The following ZNF76 variants were observed in gnomAD, a reference collection of about 807,000 sequenced individuals.
ZNF76 encodes zinc finger protein 523.
In ZNF76, 66 loss-of-function variants were observed where a neutral mutation model predicts 66.9. The observed-to-expected ratio is 0.99, with a 90% CI of 0.81 to 1.21. ZNF76 has a LOEUF of 1.21. Among genes scored for constraint, ZNF76 ranks in the 50% most tolerant of loss-of-function variants. The pLI is 0.00. For synonymous variants in ZNF76, 275 were observed against 296.1 expected (o/e 0.93, Z 0.73); for missense variants, 729 against 760.3 (o/e 0.96, Z 0.48).
At chr6:35,294,311 C>G in intron 12 of ZNF76, 145 bp from the exon 13 acceptor site, 1 of 636,714 alleles carries the variant, frequency 1.6e-6, no homozygotes, top group Non-Finnish European at 2.8e-6. Context: ...AGCTCTGAGC[C>G]TCAGGCTAAT....
rs890295589 is a variant in ZNF76 at position 35,292,079 on chromosome 6, C to A, written c.931+342C>A. 2 of 447,882 alleles carry A rather than the reference C, an allele frequency of 4.5e-6. No individual in the cohort carries two copies. The highest frequency in any genetic ancestry group is 4.0e-5 in the African/African-American group (2 of 50,552). 27.7% of individuals were successfully genotyped at this position (447,882 alleles called of 1,614,324 possible). A position where few individuals can be genotyped will look rare whatever the true frequency, so the allele number is the denominator to read the frequency against. On this transcript the variant is annotated intron_variant, in intron 9 of 13. Transcript: ENST00000373953. The surrounding 1 kb of genome is among the most constrained non-coding windows in gnomAD (Gnocchi z 4.7). ...GGGGAAGAAGCAGAGTGAACTGTCA[C>A]CTTCAACTCCTCACCTTATCCGCCG...
chr6:35,276,490 T>G (rs1787909862), intron 1 of ZNF76, among the ~76,000 whole-genome samples: 1 of 152,206 alleles, frequency 6.6e-6, no homozygotes. Flanking sequence ...ATGAAGCAAG[T>G]GCCACTATTA....
intron 7 of ZNF76, chr6:35,291,070 T>C: frequency 1.6e-6 from 1 of 634,018 alleles, no homozygotes; most frequent in Non-Finnish European, 2.7e-6. Flanking sequence ...CTTTTCATGC[T>C]CATGTTCTGG....
At chr6:35,275,672 C>T (rs909899221) in intron 1 of ZNF76, among the ~76,000 whole-genome samples, 4 of 152,166 alleles carry the variant, frequency 2.6e-5, no homozygotes, top group African/African-American at 9.7e-5. Flanking sequence ...CAACAGTAGC[C>T]TCTTTTAAAG....
chr6:35,264,586 A>G (rs1431877603), intron 1 of ZNF76, among the ~76,000 whole-genome samples: 2 of 152,188 alleles, frequency 1.3e-5, no homozygotes, highest in Non-Finnish European at 2.9e-5. Context: ...ATCCATTATA[A>G]AAAGATTAAA....
chr6:35,295,379 C>A lies in ZNF76; in HGVS notation c.*131C>A. ...ATAGGTCTCTGGGGTGAGAAGACAG[C>A]AAGAAAACTGCCTAACTGAAGGGAA... is the stretch of plus-strand genomic sequence containing the variant. On this transcript the variant is annotated 3_prime_UTR_variant, in exon 14 of 14. Transcript: ENST00000373953. 1 of 790,556 alleles carries A rather than the reference C, an allele frequency of 1.3e-6. No individual in the cohort carries two copies. Among genetic ancestry groups the A allele is most frequent in the Non-Finnish European group, 2.1e-6 (1 of 467,866 alleles). 49.0% of individuals were successfully genotyped at this position (790,556 alleles called of 1,614,324 possible).
chr6:35,293,738 C>G lies in ZNF76; in HGVS notation c.1330-13C>G. 6.2e-7 allele frequency: 1 copy of G among 1,612,804 alleles called. No individual in the cohort carries two copies. The highest frequency in any genetic ancestry group is 8.5e-7 in the Non-Finnish European group (1 of 1,179,138). On this transcript the variant is annotated splice_polypyrimidine_tract_variant and intron_variant, in intron 11 of 13. Transcript: ENST00000373953. Reference sequence around the variant, plus strand: ...ACTGACACTGCCAGCTCATCTTCCCCTCCTGTTGGCAGGTCAGCCTGTCCC... The same window carrying G: ...ACTGACACTGCCAGCTCATCTTCCCGTCCTGTTGGCAGGTCAGCCTGTCCC...
chr6:35,264,392 CA>C (rs1341070922), intron 1 of ZNF76, among the ~76,000 whole-genome samples: 2 of 152,150 alleles, frequency 1.3e-5, no homozygotes, highest in Admixed American at 6.5e-5. Context: ...GTAACAGCAT[CA>C]GGGGCTGTCT....
chr6:35,272,507 G>A (rs997141188), intron 1 of ZNF76, among the ~76,000 whole-genome samples: 1 of 97,950 alleles, frequency 1.0e-5, no homozygotes, highest in Admixed American at 1.1e-4. Context: ...GTGTGTGTGT[G>A]TGTGTATGTA....
Position 35,295,580 on chromosome 6 carries a change from G to A in ZNF76, c.*332G>A. 2.7e-6 allele frequency: 1 copy of A among 367,606 alleles called. No individual in the cohort carries two copies. The highest frequency in any genetic ancestry group is 2.1e-5 in the African/African-American group (1 of 47,462). 22.8% of individuals were successfully genotyped at this position (367,606 alleles called of 1,614,324 possible). On this transcript the variant is annotated 3_prime_UTR_variant, in exon 14 of 14. Transcript: ENST00000373953. The stretch of plus-strand genomic sequence containing the variant: ...CTCAGTCTGTTCCCCTTCTCAGGTA[G>A]AGATTGGGGCTGCTATGGGGACTGG...
At chr6:35,263,423 C>T (rs1785536829) in intron 1 of ZNF76, among the ~76,000 whole-genome samples, 1 of 152,176 alleles carries the variant, frequency 6.6e-6, no homozygotes, top group East Asian at 1.9e-4. Flanking sequence ...CTTGATAATC[C>T]CCAACCACTG....
At position 35,267,896 on chromosome 6, in the gene ZNF76, G is replaced by A. The variant is rs140854529; in HGVS notation, c.-97+8055G>A. 2.8e-4 allele frequency among the ~76,000 whole-genome samples: 43 copies of A among 152,282 alleles called. No individual in the cohort carries two copies. The East Asian group carries it at 7.5e-3, about 27-fold the overall frequency. ...GGTTGGGAAGGGTTGGAGTGGTGGG[G>A]GCTTCAGTTCCTTCCCTCCTCCATT... On this transcript the variant is annotated intron_variant, in intron 1 of 13. Transcript: ENST00000373953.
chr6:35,286,550 G>A, intron 4 of ZNF76, 151 bp downstream of exon 4: 1 of 741,866 alleles, frequency 1.3e-6, no homozygotes, highest in South Asian at 1.6e-5. Flanking sequence ...TGGATTAGCA[G>A]CCTTGCCCAC....
chr6:35,286,558 C>T (rs1312753601), intron 4 of ZNF76, 159 bp downstream of exon 4: 3 of 707,376 alleles, frequency 4.2e-6, no homozygotes, highest in African/African-American at 3.5e-5. Flanking sequence ...CAGCCTTGCC[C>T]ACCTTCCCTG....
Position 35,286,343 on chromosome 6 carries a change from G to A in ZNF76, c.176G>A (p.Gly59Asp). The change falls in exon 4 of 14, where the codon GGT (glycine) becomes GAT (aspartate). Residue 59 changes from glycine (G) to aspartate (D), a missense_variant. Gly to Asp is a moderately conservative substitution (Grantham distance 94). Coordinates refer to ENST00000373953, the MANE Select transcript of ZNF76 (RefSeq NM_003427.5). ...VQKEALSFEDGQPVQLEDGSM... is the reference protein window; with the variant it reads ...VQKEALSFEDDQPVQLEDGSM... Reference sequence around the variant, plus strand: ...ACAGAAGCTCTCTCCTTTGAGGATGGTCAGCCTGTGCAGCTGGAAGATGGC... The same window carrying A: ...ACAGAAGCTCTCTCCTTTGAGGATGATCAGCCTGTGCAGCTGGAAGATGGC... 6.2e-7 allele frequency: 1 copy of A among 1,614,216 alleles called. No individual in the cohort carries two copies. Among genetic ancestry groups the A allele is most frequent in the Non-Finnish European group, 8.5e-7 (1 of 1,180,040 alleles).
chr6:35,270,781 T>A (rs1786928618), intron 1 of ZNF76, among the ~76,000 whole-genome samples: 1 of 152,054 alleles, frequency 6.6e-6, no homozygotes, highest in Admixed American at 6.6e-5. Context: ...ATGGTCTAGA[T>A]CTCTTGACCT....
At chr6:35,282,255 C>T (rs943098159) in intron 2 of ZNF76, among the ~76,000 whole-genome samples, 1 of 151,100 alleles carries the variant, frequency 6.6e-6, no homozygotes, top group Non-Finnish European at 1.5e-5. Flanking sequence ...GGGAGGATCT[C>T]TTGAGGCCAT....
chr6:35,290,216 C>T (rs769584865), intron 5 of ZNF76, 50 bp from the exon 6 acceptor site: 9 of 1,605,396 alleles, frequency 5.6e-6, no homozygotes, highest in Admixed American at 1.7e-5. Context: ...TGTGTCCCAC[C>T]TTCTTCACTG....
rs138567435 is a variant in ZNF76, at chr6:35,262,427, CTCTT to C, written c.-97+2587_-97+2590del. Among the ~76,000 whole-genome samples the C allele has an allele frequency of 3.9e-3, 593 of 152,328 alleles. 13 individuals carry two copies. The East Asian group carries it at 0.041, about 10-fold the overall frequency. On this transcript the variant is annotated intron_variant, in intron 1 of 13. Transcript: ENST00000373953. Reference sequence around the variant, plus strand: ...AGTGTCTTGAACCCAGTCAACTTCTCTCTTCATCCTTTGCCCAAATATCTCTTGT... The same window carrying C: ...AGTGTCTTGAACCCAGTCAACTTCTCCATCCTTTGCCCAAATATCTCTTGT...
Sources: allele counts gnomAD v4.1 joint callset (sites outside exome capture counted in the v4.1 genomes callset), GRCh38; gene constraint gnomAD v4.1.1; non-coding constraint Gnocchi (gnomAD v3.1); transcripts MANE v1.5; gene names NCBI Gene and HGNC (gene_info 2026-07-23, HGNC 2026-07-21).